SIAH3: variants seen among roughly 807,000 people sequenced by gnomAD.
SIAH3 encodes the protein seven in absentia homolog 3.
SIAH3 carries 9 observed loss-of-function variants against 12.6 expected under a neutral mutation model. The ratio of observed to expected loss-of-function variants is 0.72; its 90% confidence interval spans 0.43 to 1.25. The LOEUF (loss-of-function observed/expected upper bound fraction) is 1.25. Among genes scored for constraint, SIAH3 ranks in the 50% most tolerant of loss-of-function variants. SIAH3 has a pLI of 0.00. For synonymous variants in SIAH3, 154 were observed against 151.1 expected (o/e 1.02, Z -0.14); for missense variants, 390 against 365.4 (o/e 1.07, Z -0.55).
intron 1 of SIAH3, among the ~76,000 whole-genome samples, chr13:45,786,086 G>A (rs1174367003): frequency 2.6e-5 from 4 of 152,308 alleles, no homozygotes; most frequent in Non-Finnish European, 4.4e-5. Flanking sequence ...CCTGCCTGCT[G>A]GTGGCATGGA....
intron 1 of SIAH3, among the ~76,000 whole-genome samples, chr13:45,834,386 G>A (rs1008506588): frequency 6.6e-6 from 1 of 152,164 alleles, no homozygotes; most frequent in Non-Finnish European, 1.5e-5. Flanking sequence ...TACTGACATC[G>A]ATGGGCTCCC....
At chr13:45,851,346 G>T in intron 1 of SIAH3, 149 bp downstream of exon 1, 1 of 1,014,906 alleles carries the variant, frequency 9.9e-7, no homozygotes, top group Non-Finnish European at 1.5e-6. Context: ...AGAGTGAGCC[G>T]AGGCAAACAC....
At chr13:45,841,907 C>A (rs1158020447) in intron 1 of SIAH3, among the ~76,000 whole-genome samples, 1 of 152,210 alleles carries the variant, frequency 6.6e-6, no homozygotes, top group Admixed American at 6.5e-5. Flanking sequence ...GTCCTGAGAA[C>A]AAGACCCCTC....
chr13:45,792,920 TTTC>T (rs1950550844), intron 1 of SIAH3, among the ~76,000 whole-genome samples: 1 of 152,198 alleles, frequency 6.6e-6, no homozygotes, highest in African/African-American at 2.4e-5. Flanking sequence ...TGAAAGACTT[TTTC>T]TTCAAGGCGA....
intron 1 of SIAH3, among the ~76,000 whole-genome samples, chr13:45,846,054 A>C (rs1250114150): frequency 6.7e-6 from 1 of 149,166 alleles, no homozygotes; most frequent in East Asian, 2.0e-4. Context: ...CAGTGTAGGA[A>C]TATAGATCTG....
intron 1 of SIAH3, among the ~76,000 whole-genome samples, chr13:45,840,831 G>A (rs982283924): frequency 2.6e-5 from 4 of 152,160 alleles, no homozygotes; most frequent in African/African-American, 4.8e-5. Flanking sequence ...ATCAAGACGC[G>A]CTTTAAAGCA....
At position 45,824,841 on chromosome 13, in the gene SIAH3, G is replaced by A. The variant is rs535646090; in HGVS notation, c.135+26654C>T. 3.0e-4 allele frequency among the ~76,000 whole-genome samples: 45 copies of A among 151,312 alleles called. 1 individual carries two copies. Among genetic ancestry groups the A allele is most frequent in the Non-Finnish European group, 6.0e-4 (41 of 67,956 alleles). Reference sequence around the variant, plus strand: ...ACAAAAACCACGAGATTGCGCCACTGCACTCCAGCCTGGGCGACAGAGCGA... The same window carrying A: ...ACAAAAACCACGAGATTGCGCCACTACACTCCAGCCTGGGCGACAGAGCGA... On this transcript the variant is annotated intron_variant, in intron 1 of 1. Coordinates refer to ENST00000400405, the MANE Select transcript of SIAH3 (RefSeq NM_198849.3).
intron 1 of SIAH3, among the ~76,000 whole-genome samples, chr13:45,800,901 C>T (rs1461162399): frequency 1.3e-5 from 2 of 152,070 alleles, no homozygotes; most frequent in Non-Finnish European, 2.9e-5. Flanking sequence ...TCTTTGTGGG[C>T]GACCTCTCCT....
intron 1 of SIAH3, among the ~76,000 whole-genome samples, chr13:45,826,374 TGAATGAATGGA>T (rs1213463398): frequency 0.78 from 11,063 of 14,254 alleles, 5,457 homozygotes; most frequent in Admixed American, 0.86. Flanking sequence ...GATGGATGGA[TGAATGAATGGA>T]TGGATGGATG....
chr13:45,815,283 C>G (rs1170669191), intron 1 of SIAH3, among the ~76,000 whole-genome samples: 1 of 151,906 alleles, frequency 6.6e-6, no homozygotes, highest in Admixed American at 6.6e-5. Flanking sequence ...GTCAGTAAGA[C>G]TTTGAGTGAG....
At chr13:45,842,392 G>A (rs1459267489) in intron 1 of SIAH3, among the ~76,000 whole-genome samples, 1 of 152,174 alleles carries the variant, frequency 6.6e-6, no homozygotes, top group Non-Finnish European at 1.5e-5. Flanking sequence ...TACCCAGGCT[G>A]GAGTGCAGTG....
At chr13:45,798,639 T>A (rs1353870154) in intron 1 of SIAH3, among the ~76,000 whole-genome samples, 2 of 152,212 alleles carry the variant, frequency 1.3e-5, no homozygotes, top group Non-Finnish European at 2.9e-5. Context: ...ACCGTCCAGA[T>A]GAGGCAGTGC....
chr13:45,834,234 T>G lies in SIAH3; in HGVS notation c.135+17261A>C, dbSNP rs545500355. 2.6e-5 allele frequency among the ~76,000 whole-genome samples: 4 copies of G among 152,322 alleles called. No homozygotes were observed. In the South Asian group the frequency reaches 6.2e-4, roughly 24 times the overall value. On this transcript the variant is annotated intron_variant, in intron 1 of 1. Coordinates refer to ENST00000400405, the MANE Select transcript of SIAH3 (RefSeq NM_198849.3). ...TTCTTAGCAGCAAAGCTGAAGCAAT[T>G]ATTCCCAGCTTTTGTAACTAAACAT...
chr13:45,821,766 G>A (rs1950656514), intron 1 of SIAH3, among the ~76,000 whole-genome samples: 4 of 152,176 alleles, frequency 2.6e-5, no homozygotes, highest in South Asian at 2.1e-4. Context: ...GAAAATCAAT[G>A]AGAGTGGGGC....
Position 45,783,839 on chromosome 13 carries a change from G to A in SIAH3, c.354C>T (p.Gly118=). ...MCPLFSCQWE[G]RLEVVVPHLR... is the part of the protein sequence containing the mutation. ...GGTGGGGCACCACCACCTCCAGGCG[G>A]CCTTCCCACTGGCAGGAGAACAAGG... The change falls in exon 2 of 2, where the codon GGC becomes GGT. Residue 118 remains glycine (G), a synonymous_variant. Transcript: ENST00000400405. 1.9e-6 allele frequency: 3 copies of A among 1,614,128 alleles called. No homozygotes were observed. Among genetic ancestry groups the A allele is most frequent in the Non-Finnish European group, 1.7e-6 (2 of 1,179,988 alleles).
At chr13:45,848,563 T>C (rs1304037433) in intron 1 of SIAH3, among the ~76,000 whole-genome samples, 1 of 152,244 alleles carries the variant, frequency 6.6e-6, no homozygotes, top group African/African-American at 2.4e-5. Flanking sequence ...AGGTGACCTA[T>C]AGAAGCATGG....
At chr13:45,794,088 T>C (rs1197490989) in intron 1 of SIAH3, among the ~76,000 whole-genome samples, 2 of 134,188 alleles carry the variant, frequency 1.5e-5, no homozygotes, top group Non-Finnish European at 3.2e-5. Flanking sequence ...TGTGTGGCCC[T>C]CCTGACACTT....
At chr13:45,802,149 T>C (rs1478804263) in intron 1 of SIAH3, among the ~76,000 whole-genome samples, 4 of 151,766 alleles carry the variant, frequency 2.6e-5, no homozygotes, top group Non-Finnish European at 5.9e-5. Flanking sequence ...CTACTAAAAA[T>C]ACAAAAATTA....
intron 1 of SIAH3, among the ~76,000 whole-genome samples, chr13:45,793,706 C>T (rs1950553676): frequency 6.6e-6 from 1 of 152,206 alleles, no homozygotes; most frequent in Admixed American, 6.5e-5. Context: ...ACAGCAGTCA[C>T]CCTCATTGCC....
Sources: gnomAD v4.1 joint callset for allele counts (sites outside exome capture counted in the v4.1 genomes callset) on GRCh38, gnomAD v4.1.1 for gene constraint, MANE v1.5 for transcripts, NCBI Gene and HGNC (gene_info 2026-07-23, HGNC 2026-07-21) for gene names.